The following ZNF181 variants were observed in gnomAD, a reference collection of about 807,000 sequenced individuals.
The protein encoded by ZNF181 is zinc finger protein 181 (HHZ181).
A neutral mutation model predicts 11.9 loss-of-function variants in ZNF181; 8 were observed. The ratio of observed to expected loss-of-function variants is 0.67; its 90% CI spans 0.39 to 1.21. The LOEUF is 1.21. Among genes scored for constraint, ZNF181 ranks in the 50% most tolerant of loss-of-function variants. ZNF181 has a pLI of 0.01. For missense variants in ZNF181, 542 were observed against 670.9 expected, an observed-to-expected ratio of 0.81 and a Z score of 2.12; for synonymous variants, 202 against 221.1, an observed-to-expected ratio of 0.91 and a Z score of 0.77.
intron 1 of ZNF181, chr19:34,736,042 G>A: frequency 1.4e-6 from 1 of 691,376 alleles, no homozygotes; most frequent in Non-Finnish European, 2.6e-6. Context: ...CCTGGTGGGA[G>A]GAATCTTTTT....
intron 1 of ZNF181, chr19:34,736,068 G>A: frequency 1.4e-6 from 1 of 700,140 alleles, no homozygotes; most frequent in South Asian, 1.5e-5. Context: ...TTTGTTGTCT[G>A]TTATAGCTTC....
chr19:34,740,511 CTT>C, intron 3 of ZNF181, 98 bp from the exon 4 acceptor site: 1 of 1,195,328 alleles, frequency 8.4e-7, no homozygotes, highest in Non-Finnish European at 1.2e-6. Flanking sequence ...TTTCTGGGGG[CTT>C]CATTTCTAAT....
chr19:34,739,877 C>T (rs2068943174), intron 3 of ZNF181, among the ~76,000 whole-genome samples: 1 of 152,148 alleles, frequency 6.6e-6, no homozygotes. Flanking sequence ...AATTGTTACT[C>T]TATTCATAAC....
Position 34,741,872 on chromosome 19 carries a change from C to T in ZNF181, c.1491C>T (p.Thr497=), listed in dbSNP as rs768386994. ...KPYECIKCGK[T]FSCSSNLTVH... ...ATGAATGTATTAAATGTGGGAAGAC[C>T]TTCAGCTGTAGTTCAAACCTTACCG... The change falls in exon 4 of 4, where the codon ACC becomes ACT. Residue 497 remains threonine (T), a synonymous_variant. Coordinates refer to ENST00000492450, the MANE Select transcript of ZNF181 (RefSeq NM_001029997.4). 4 of 1,613,680 alleles carry T rather than the reference C, an allele frequency of 2.5e-6. No homozygotes were observed. The Admixed American group carries it at 5.0e-5, about 20-fold the overall frequency.
In ZNF181 at chr19:34,741,320, C is replaced by G. The variant is rs2068970536; in HGVS notation, c.939C>G (p.Ser313Arg). 6.8e-6 allele frequency: 11 copies of G among 1,613,670 alleles called. No individual in the cohort carries two copies. Among genetic ancestry groups the G allele is most frequent in the African/African-American group, 1.3e-5 (1 of 74,890 alleles). The change falls in exon 4 of 4, where the codon AGC becomes AGG. Residue 313 changes from serine to arginine, a missense_variant. By Grantham distance (110) the Ser-to-Arg change is moderately radical. Transcript: ENST00000492450. ...SHVSSLTNHQ[S>R]THTGEKPYEC... The stretch of plus-strand genomic sequence containing the variant: ...TCTCATCACTTACTAACCATCAGAG[C>G]ACTCACACTGGAGAGAAACCATATG...
At position 34,741,321 on chromosome 19, in the gene ZNF181, A is replaced by T. The variant is rs768525437; in HGVS notation, c.940A>T (p.Thr314Ser). Residue 314 changes from threonine (T) to serine (S), a missense_variant, in exon 4 of 4, where the codon ACT becomes TCT. Thr to Ser is a moderately conservative substitution (Grantham distance 58). Transcript: ENST00000492450. ...HVSSLTNHQS[T>S]HTGEKPYECM... Reference sequence around the variant, plus strand: ...CTCATCACTTACTAACCATCAGAGCACTCACACTGGAGAGAAACCATATGA... The same window carrying T: ...CTCATCACTTACTAACCATCAGAGCTCTCACACTGGAGAGAAACCATATGA... The T allele has an allele frequency of 6.2e-7, 1 of 1,613,860 alleles. No individual in the cohort carries two copies. The highest frequency in any genetic ancestry group is 1.1e-5 in the South Asian group (1 of 91,068).
At position 34,735,046 on chromosome 19, in the gene ZNF181, G is replaced by C. The variant is rs796737915; in HGVS notation, c.9G>C (p.Gln3His). 1 of 1,574,978 alleles carries C rather than the reference G, an allele frequency of 6.3e-7. No homozygotes were observed. The highest frequency in any genetic ancestry group is 8.6e-7 in the Non-Finnish European group (1 of 1,159,636). Reference protein sequence around the residue: MPQVTFNDVAIDF... With the variant: MPHVTFNDVAIDF... ...TTGGAAATTGCAGAGTAATGCCTCAGGTAGGTCGGTGTGTCCGCAAATCTT... is the reference window on the plus strand; with the variant it reads ...TTGGAAATTGCAGAGTAATGCCTCACGTAGGTCGGTGTGTCCGCAAATCTT... Residue 3 changes from glutamine to histidine, a missense_variant and splice_region_variant, in exon 1 of 4, where the codon CAG (glutamine) becomes CAC (histidine). Gln to His is a conservative substitution (Grantham distance 24). Coordinates refer to ENST00000492450, the MANE Select transcript of ZNF181 (RefSeq NM_001029997.4).
Position 34,740,684 on chromosome 19 carries a change from A to G in ZNF181, c.303A>G (p.Thr101=). The G allele has an allele frequency of 1.9e-6, 3 of 1,611,604 alleles. No individual in the cohort carries two copies. In the South Asian group the frequency reaches 3.3e-5, roughly 18 times the overall value. The change falls in exon 4 of 4, where the codon ACA becomes ACG. Residue 101 remains threonine, a synonymous_variant. Transcript: ENST00000492450. The part of the protein sequence containing the change: ...KDNYDEDSPQ[T]VIIEKVVKQS... ...ATTATGATGAAGATTCACCCCAAAC[A>G]GTAATAATAGAAAAAGTTGTAAAAC...
Position 34,734,663 on chromosome 19 carries a change from A to G in ZNF181, c.-375A>G, listed in dbSNP as rs2068861178. 1 of 240,380 alleles carries G rather than the reference A, an allele frequency of 4.2e-6. No individual in the cohort carries two copies. The highest frequency in any genetic ancestry group is 1.0e-4 in the South Asian group (1 of 10,038). The allele number at this position is 240,380 out of a possible 1,614,324, so 14.9% of individuals were successfully genotyped here. ...AGTATCTTGGAATTTCAGTTTTGTC[A>G]TCGTTTAAAAAATAGATCTGGAAAA... On this transcript the variant is annotated 5_prime_UTR_variant, in exon 1 of 4. Coordinates refer to ENST00000492450, the MANE Select transcript of ZNF181 (RefSeq NM_001029997.4).
At chr19:34,735,123 C>G in intron 1 of ZNF181, 77 bp downstream of exon 1, 1 of 1,499,410 alleles carries the variant, frequency 6.7e-7, no homozygotes, top group East Asian at 2.5e-5. Flanking sequence ...CCTGCCTGTT[C>G]CCACCTAACC....
rs771945548 is a variant in ZNF181 at position 34,739,274 on chromosome 19, G to C, written c.130+6G>C. 38 of 1,613,434 alleles carry C rather than the reference G, an allele frequency of 2.4e-5. No individual in the cohort carries two copies. Among genetic ancestry groups the C allele is most frequent in the Non-Finnish European group, 3.1e-5 (37 of 1,179,648 alleles). On this transcript the variant is annotated splice_donor_region_variant and intron_variant, in intron 2 of 3. Coordinates refer to ENST00000492450, the MANE Select transcript of ZNF181 (RefSeq NM_001029997.4). ...TGAGAACCTGGTCTCTGTAGGTAAG[G>C]ATATTACCCCTTCCACTCCAGTAGG...
intron 3 of ZNF181, 84 bp downstream of exon 3, chr19:34,739,705 G>A (rs2068940522): frequency 2.9e-6 from 4 of 1,370,400 alleles, no homozygotes; most frequent in African/African-American, 1.4e-5. Flanking sequence ...TGAGTGTGGA[G>A]GCATTTTAGG....
At position 34,740,732 on chromosome 19, in the gene ZNF181, TAAG is replaced by T. The variant is rs748385813; in HGVS notation, c.357_359del (p.Lys119del). On this transcript the variant is annotated inframe_deletion, in exon 4 of 4. Transcript: ENST00000492450. ...AACAAAGTTATGAATTTTCAAATTC[TAAG>T]AAGAATTTGGAATATATAGAGAAGT... 1.7e-5 allele frequency: 28 copies of T among 1,613,478 alleles called. No individual in the cohort carries two copies. The Admixed American group carries it at 4.3e-4, about 25-fold the overall frequency.
At chr19:34,736,571 T>C (rs1376343502) in intron 1 of ZNF181, among the ~76,000 whole-genome samples, 2 of 152,240 alleles carry the variant, frequency 1.3e-5, no homozygotes, top group Non-Finnish European at 2.9e-5. Context: ...AAGAGAACTT[T>C]CTGCAGTGGT....
In ZNF181 at chr19:34,740,966, G is replaced by A; in HGVS notation, c.585G>A (p.Lys195=). 4 of 1,613,812 alleles carry A rather than the reference G, an allele frequency of 2.5e-6. No homozygotes were observed. The highest frequency in any genetic ancestry group is 3.4e-6 in the Non-Finnish European group (4 of 1,179,916). The change falls in exon 4 of 4, where the codon AAG becomes AAA. Residue 195 remains lysine (K), a synonymous_variant. Coordinates refer to ENST00000492450, the MANE Select transcript of ZNF181 (RefSeq NM_001029997.4). ...TATTAAAGAAGAACTTACCAAAAAAGTCAGTTATAAAAAATGAGAAAGTCA... is the reference window on the plus strand; with the variant it reads ...TATTAAAGAAGAACTTACCAAAAAAATCAGTTATAAAAAATGAGAAAGTCA... ...YDILKKNLPK[K]SVIKNEKVNG...
rs1475734315 is a variant in ZNF181, at chr19:34,735,032, A to C, written c.-6A>C. 2.5e-6 allele frequency: 4 copies of C among 1,578,104 alleles called. No homozygotes were observed. The highest frequency in any genetic ancestry group is 2.3e-5 in the East Asian group (1 of 43,214). Reference sequence around the variant, plus strand: ...GACTCTGTTGGCTGTTGGAAATTGCAGAGTAATGCCTCAGGTAGGTCGGTG... The same window carrying C: ...GACTCTGTTGGCTGTTGGAAATTGCCGAGTAATGCCTCAGGTAGGTCGGTG... On this transcript the variant is annotated 5_prime_UTR_variant, in exon 1 of 4. Transcript: ENST00000492450.
intron 1 of ZNF181, among the ~76,000 whole-genome samples, chr19:34,738,578 C>T (rs1460776625): frequency 5.4e-5 from 8 of 147,292 alleles, no homozygotes; most frequent in African/African-American, 2.0e-4. Context: ...GAGTCTTGTT[C>T]TATTACCCAG....
chr19:34,738,758 C>G (rs1310122214), intron 1 of ZNF181, among the ~76,000 whole-genome samples: 2 of 152,052 alleles, frequency 1.3e-5, no homozygotes, highest in Non-Finnish European at 2.9e-5. Context: ...TCACTTTACC[C>G]TCATTTTTTA....
Position 34,740,670 on chromosome 19 carries a change from G to T in ZNF181, c.289G>T (p.Asp97Tyr). 6.2e-7 allele frequency: 1 copy of T among 1,605,732 alleles called. No individual in the cohort carries two copies. ...AACAAAGAAGGATAATTATGATGAA[G>T]ATTCACCCCAAACAGTAATAATAGA... Reference protein sequence around the residue: ...LSTKKDNYDEDSPQTVIIEKV... With the variant: ...LSTKKDNYDEYSPQTVIIEKV... Residue 97 changes from aspartate to tyrosine, a missense_variant, in exon 4 of 4, where the codon GAT becomes TAT. Transcript: ENST00000492450.
Sources: allele counts gnomAD v4.1 joint callset (sites outside exome capture counted in the v4.1 genomes callset), GRCh38; gene constraint gnomAD v4.1.1; transcripts MANE v1.5; gene names NCBI Gene and HGNC (gene_info 2026-07-23, HGNC 2026-07-21).